Variants in HMCN2 observed in about 807,000 individuals in gnomAD.
HMCN2 encodes the protein hemicentin 2.
In HMCN2, 325 loss-of-function variants were observed where a neutral mutation model predicts 377.5. That is an observed-to-expected ratio of 0.86 (90% CI 0.79 to 0.94). The LOEUF (loss-of-function observed/expected upper bound fraction) is 0.94, where lower values mean the gene tolerates loss of function less well. Ranked by LOEUF, HMCN2 falls within the 40% of genes least tolerant of loss-of-function variation. The probability of loss-of-function intolerance (pLI) is 0.00; values close to 1 mark genes in which losing one functional copy is unlikely to be tolerated. For missense variants in HMCN2, 4,543 were observed against 4,725.3 expected, an observed-to-expected ratio of 0.96 and a Z score of 1.13; for synonymous variants, 2,007 against 2,046.8, an observed-to-expected ratio of 0.98 and a Z score of 0.53.
intron 54 of HMCN2, among the ~76,000 whole-genome samples, chr9:130,380,502 G>C (rs1244584529): frequency 6.6e-6 from 1 of 152,096 alleles, no homozygotes; most frequent in Non-Finnish European, 1.5e-5. Context: ...AAGAAAAGGA[G>C]GTGGCTGGGC....
rs1200391421 is a variant in HMCN2 at position 130,334,707 on chromosome 9, TTC to T, written c.3360-3173_3360-3172del. ...TTTCTTTCTCTCTTTCTTTCTTTCT[TTC>T]TCTCTCTCTCTCTTCTCTCTTTCTC... On this transcript the variant is annotated intron_variant, in intron 22 of 97. Transcript: ENST00000683500. Among the ~76,000 whole-genome samples, 5 of 139,746 alleles carry T rather than the reference TTC, an allele frequency of 3.6e-5. No homozygotes were observed. In the South Asian group the frequency reaches 7.3e-4, roughly 20 times the overall value. The allele number at this position is 139,746 out of a possible 152,430, so 91.7% of individuals were successfully genotyped here.
intron 59 of HMCN2, 132 bp from the exon 60 acceptor site, chr9:130,385,428 G>C (rs1190266468): frequency 4.3e-6 from 2 of 461,528 alleles, no homozygotes; most frequent in East Asian, 1.5e-4. Context: ...ACCTCCCCTG[G>C]GTCTGCGCCA....
rs543931177 is a variant in HMCN2 at position 130,383,560 on chromosome 9, G to T, written c.8790G>T (p.Gln2930His). Reference sequence around the variant, plus strand: ...GCTACATGTGTGTGGCCGAGAACCAGGCGGGCTCCGCTGAGAAGCTCTTCA... The same window carrying T: ...GCTACATGTGTGTGGCCGAGAACCATGCGGGCTCCGCTGAGAAGCTCTTCA... ...AASYMCVAEN[Q>H]AGSAEKLFTL... Residue 2930 changes from glutamine to histidine, a missense_variant, in exon 57 of 98, where the codon CAG (glutamine) becomes CAT (histidine). Gln to His is a conservative substitution (Grantham distance 24, BLOSUM62 0). Coordinates refer to ENST00000683500, the MANE Select transcript of HMCN2 (RefSeq NM_001291815.2). The T allele has an allele frequency of 4.1e-6, 4 of 986,036 alleles. No homozygotes were observed. In the South Asian group the frequency reaches 1.9e-4, roughly 46 times the overall value. The allele number at this position is 986,036 out of a possible 1,614,324, so 61.1% of individuals were successfully genotyped here. A position where few individuals can be genotyped will look rare whatever the true frequency, so the allele number is the denominator to read the frequency against.
At position 130,425,167 on chromosome 9, in the gene HMCN2, G is replaced by A. The variant is rs940890462; in HGVS notation, c.13641+37G>A. 2.7e-6 allele frequency: 4 copies of A among 1,502,636 alleles called. No homozygotes were observed. The African/African-American group carries it at 5.6e-5, about 21-fold the overall frequency. The allele number at this position is 1,502,636 out of a possible 1,614,324, so 93.1% of individuals were successfully genotyped here. On this transcript the variant is annotated intron_variant, in intron 89 of 97. Transcript: ENST00000683500. ...AGCCCTGGGGTGTGCAGACAGGGTA[G>A]GTGAGAGAGACGAAGGTGCCCGGCT...
chr9:130,363,623 A>T (rs951628925), intron 40 of HMCN2, among the ~76,000 whole-genome samples: 12 of 152,024 alleles, frequency 7.9e-5, no homozygotes, highest in Non-Finnish European at 1.8e-4. Context: ...GGAGTTCGAG[A>T]CCAGCCTGGC....
chr9:130,299,452 A>G (rs1836352488), intron 8 of HMCN2, among the ~76,000 whole-genome samples, 164 bp downstream of exon 8: 1 of 152,302 alleles, frequency 6.6e-6, no homozygotes, highest in South Asian at 2.1e-4. Context: ...TTAAATACTA[A>G]GATGCTCAGA....
rs754194378 is a variant in HMCN2, at chr9:130,360,314, G to GCTTCTCTCTTC, written c.5774-113_5774-112insTTCTCTCTTCC. The GCTTCTCTCTTC allele has an allele frequency of 1.4e-3, 801 of 593,076 alleles. 18 individuals are homozygous for GCTTCTCTCTTC. The highest frequency in any genetic ancestry group is 5.1e-3 in the Middle Eastern group (7 of 1,378). 36.7% of individuals were successfully genotyped at this position (593,076 alleles called of 1,614,324 possible). On this transcript the variant is annotated intron_variant, in intron 37 of 97. Coordinates refer to ENST00000683500, the MANE Select transcript of HMCN2 (RefSeq NM_001291815.2). The surrounding 1 kb of genome is among the most constrained non-coding windows in gnomAD (Gnocchi z 4.7). ...TTGCTTCTCTCTTCCATTCCCCCTT[G>GCTTCTCTCTTC]CATCTCTCTTCCTTTCCCCCTTGCA...
rs762460079 is a variant in HMCN2 at position 130,429,555 on chromosome 9, A to G, written c.14198-2A>G. On this transcript the variant is annotated splice_acceptor_variant, in intron 93 of 97. Transcript: ENST00000683500. LOFTEE classifies it high-confidence loss of function. ...ACCACCGACCATGCCCCTGCCTCCC[A>G]GATGTGGACGAATGCCTGGAGGGGT... The G allele has an allele frequency of 1.9e-6, 3 of 1,550,372 alleles. No individual in the cohort carries two copies. The highest frequency in any genetic ancestry group is 2.4e-5 in the South Asian group (2 of 84,054).
intron 4 of HMCN2, among the ~76,000 whole-genome samples, chr9:130,292,956 C>CTCTA (rs139794898): frequency 0.23 from 32,517 of 144,494 alleles, 4,263 homozygotes; most frequent in African/African-American, 0.38. Flanking sequence ...GGATCAATTG[C>CTCTA]TCTATCTATC....
chr9:130,434,016 G>A lies in HMCN2; in HGVS notation c.*323G>A, dbSNP rs574690765. On this transcript the variant is annotated 3_prime_UTR_variant, in exon 98 of 98. Coordinates refer to ENST00000683500, the MANE Select transcript of HMCN2 (RefSeq NM_001291815.2). Reference sequence around the variant, plus strand: ...GGACACAGGGCACCTGGACGCGCGGGAGAGGGGGCAGACCCCGCGTTAGGG... The same window carrying A: ...GGACACAGGGCACCTGGACGCGCGGAAGAGGGGGCAGACCCCGCGTTAGGG... 14 of 280,514 alleles carry A rather than the reference G, an allele frequency of 5.0e-5. No individual in the cohort carries two copies. The South Asian group carries it at 1.5e-3, about 31-fold the overall frequency. 17.4% of individuals were successfully genotyped at this position (280,514 alleles called of 1,614,324 possible). A position where few individuals can be genotyped will look rare whatever the true frequency, so the allele number is the denominator to read the frequency against.
chr9:130,281,546 C>G (rs1430224218), intron 1 of HMCN2, among the ~76,000 whole-genome samples: 2 of 151,890 alleles, frequency 1.3e-5, no homozygotes, highest in African/African-American at 2.4e-5. Context: ...TGCAGTGAGC[C>G]AGGATCGCGC....
rs1364647676 is a variant in HMCN2 at position 130,354,857 on chromosome 9, C to G, written c.4959C>G (p.His1653Gln). ...CGCTGGAGTGCGTGGCCAGAGGCCA[C>G]CCGTCCCCCACCCTCTCCTGGCACC... ...PVALECVARG[H>Q]PSPTLSWHHE... Residue 1653 changes from histidine (H) to glutamine (Q), a missense_variant, in exon 32 of 98, where the codon CAC (histidine) becomes CAG (glutamine). Physicochemically the swap from His to Gln is conservative, Grantham distance 24. Around this residue, in one of 5 missense-constraint regions of HMCN2, gnomAD observed 1,032 missense variants for 1,285.1 expected, o/e 0.80. Transcript: ENST00000683500. 7.7e-7 allele frequency: 1 copy of G among 1,304,258 alleles called. No homozygotes were observed. The highest frequency in any genetic ancestry group is 1.2e-5 in the South Asian group (1 of 81,026). 80.8% of individuals were successfully genotyped at this position (1,304,258 alleles called of 1,614,324 possible).
intron 79 of HMCN2, 57 bp downstream of exon 79, chr9:130,403,385 G>GC (rs935305110): frequency 4.8e-6 from 6 of 1,255,020 alleles, no homozygotes; most frequent in East Asian, 1.1e-4. Flanking sequence ...GGTCTGGGCA[G>GC]GGGGGGAGTC....
intron 25 of HMCN2, among the ~76,000 whole-genome samples, chr9:130,344,418 ATG>A (rs1839230322): frequency 6.9e-6 from 1 of 144,918 alleles, no homozygotes; most frequent in Non-Finnish European, 1.5e-5. Flanking sequence ...GTGTGCATGT[ATG>A]TGTTCTGTGT....
intron 95 of HMCN2, 100 bp from the exon 96 acceptor site, chr9:130,431,267 C>A: frequency 8.1e-7 from 1 of 1,231,796 alleles, no homozygotes; most frequent in Non-Finnish European, 1.1e-6. Context: ...AGGGCAGCTC[C>A]AGAGCCCAGC....
intron 90 of HMCN2, 127 bp downstream of exon 90, chr9:130,426,051 C>G: frequency 1.4e-6 from 1 of 732,390 alleles, no homozygotes; most frequent in South Asian, 1.8e-5. Flanking sequence ...AGACTTCAGA[C>G]TGAGACGGCC....
intron 66 of HMCN2, among the ~76,000 whole-genome samples, chr9:130,392,781 G>A (rs1489068237): frequency 1.3e-5 from 2 of 152,238 alleles, no homozygotes; most frequent in African/African-American, 2.4e-5. Flanking sequence ...CAGATTACAA[G>A]GTCAGGAGAT....
intron 1 of HMCN2, among the ~76,000 whole-genome samples, chr9:130,279,887 G>T (rs1000427676): frequency 3.3e-5 from 5 of 152,192 alleles, no homozygotes; most frequent in African/African-American, 1.2e-4. Context: ...GATTATCCAG[G>T]TGAGCCCTTT....
intron 82 of HMCN2, 139 bp from the exon 83 acceptor site, chr9:130,407,432 A>G: frequency 1.5e-6 from 1 of 666,848 alleles, no homozygotes; most frequent in South Asian, 1.8e-5. Context: ...CCTCCCAGGA[A>G]CGTGTCTGAT....
Sources: gnomAD v4.1 joint callset for allele counts (sites outside exome capture counted in the v4.1 genomes callset) on GRCh38, gnomAD v4.1.1 for gene constraint, gnomAD v4.1.1 regional missense constraint, Gnocchi (gnomAD v3.1) non-coding constraint, MANE v1.5 for transcripts, NCBI Gene and HGNC (gene_info 2026-07-23, HGNC 2026-07-21) for gene names.